The following CHST11 variants were observed in gnomAD, a reference collection of about 807,000 sequenced individuals.
CHST11 encodes carbohydrate sulfotransferase 11.
In CHST11, 9 loss-of-function variants were observed where a neutral mutation model predicts 30.4. The observed-to-expected ratio is 0.30, with a 90% CI of 0.18 to 0.52. The LOEUF (loss-of-function observed/expected upper bound fraction) is 0.52. Among genes scored for constraint, CHST11 ranks in the 20% least tolerant of loss-of-function variants. CHST11 has a pLI of 0.97. For missense variants in CHST11, 348 were observed against 460.6 expected, an observed-to-expected ratio of 0.76 and a Z score of 2.24; for synonymous variants, 152 against 187.8, an observed-to-expected ratio of 0.81 and a Z score of 1.56.
At chr12:104,707,291 G>A (rs1324410853) in intron 2 of CHST11, among the ~76,000 whole-genome samples, 8 of 152,174 alleles carry the variant, frequency 5.3e-5, no homozygotes, top group African/African-American at 1.7e-4. Flanking sequence ...CTACAGAGTC[G>A]GGGCAGGGGT....
chr12:104,648,252 C>T (rs924937590), intron 2 of CHST11, among the ~76,000 whole-genome samples: 1 of 152,160 alleles, frequency 6.6e-6, no homozygotes, highest in Admixed American at 6.5e-5. Context: ...CGTACATTCC[C>T]GAAAACCTTA....
rs2038959561 is a variant in CHST11, at chr12:104,601,812, G to A, written c.119-94G>A. On this transcript the variant is annotated intron_variant, in intron 1 of 2. Transcript: ENST00000303694. ...GAAGCTGGTTTTCTCTTTCTTTCCT[G>A]CCTGTTTCTTCTTCCCTACTCTGTG... 4 of 955,968 alleles carry A rather than the reference G, an allele frequency of 4.2e-6. No homozygotes were observed. In the South Asian group the frequency reaches 4.4e-5, roughly 11 times the overall value. 59.2% of individuals were successfully genotyped at this position (955,968 alleles called of 1,614,324 possible). A position where few individuals can be genotyped will look rare whatever the true frequency, so the allele number is the denominator to read the frequency against.
chr12:104,505,351 C>T (rs1442388621), intron 1 of CHST11, among the ~76,000 whole-genome samples: 1 of 152,132 alleles, frequency 6.6e-6, no homozygotes, highest in African/African-American at 2.4e-5. Flanking sequence ...CAGCAGAGAG[C>T]TACCCTGCAC....
chr12:104,463,634 G>A (rs1333725805), intron 1 of CHST11, among the ~76,000 whole-genome samples: 2 of 152,206 alleles, frequency 1.3e-5, no homozygotes, highest in South Asian at 2.1e-4. Flanking sequence ...GACATATATG[G>A]TATATCAGAT....
intron 2 of CHST11, among the ~76,000 whole-genome samples, chr12:104,637,312 A>C (rs865819691): frequency 2.1e-5 from 1 of 48,584 alleles, no homozygotes; most frequent in Non-Finnish European, 3.7e-5. Flanking sequence ...TAAAAAAAAA[A>C]AAAAAAAAAA....
At chr12:104,547,323 T>C (rs892827680) in intron 1 of CHST11, among the ~76,000 whole-genome samples, 2 of 152,054 alleles carry the variant, frequency 1.3e-5, no homozygotes, top group Non-Finnish European at 2.9e-5. Context: ...AGTGGGTAAT[T>C]AGAACAGGAA....
intron 1 of CHST11, among the ~76,000 whole-genome samples, chr12:104,534,224 A>G (rs2038214392): frequency 6.6e-6 from 1 of 152,226 alleles, no homozygotes; most frequent in Non-Finnish European, 1.5e-5. Context: ...TTAGTTCAGA[A>G]TATTGCTTTG....
intron 2 of CHST11, among the ~76,000 whole-genome samples, chr12:104,620,694 G>T (rs898175656): frequency 6.6e-6 from 1 of 152,090 alleles, no homozygotes; most frequent in South Asian, 2.1e-4. Context: ...TGAGCAAGTG[G>T]CAAAATGAGC....
chr12:104,703,013 C>T (rs538727732), intron 2 of CHST11, among the ~76,000 whole-genome samples: 3 of 152,332 alleles, frequency 2.0e-5, no homozygotes, highest in Admixed American at 2.0e-4. Flanking sequence ...CCCACACCCA[C>T]ACTCTCTAGG....
At chr12:104,548,968 G>A (rs1027744647) in intron 1 of CHST11, among the ~76,000 whole-genome samples, 1 of 152,164 alleles carries the variant, frequency 6.6e-6, no homozygotes, top group African/African-American at 2.4e-5. Flanking sequence ...TCATTTCTGT[G>A]GATACCACTC....
At chr12:104,652,856 G>C (rs913072066) in intron 2 of CHST11, among the ~76,000 whole-genome samples, 1 of 152,052 alleles carries the variant, frequency 6.6e-6, no homozygotes, top group Admixed American at 6.5e-5. Context: ...CCAGCGAAGA[G>C]GGAGGCTGCC....
At chr12:104,479,400 G>T (rs892995999) in intron 1 of CHST11, among the ~76,000 whole-genome samples, 1 of 152,126 alleles carries the variant, frequency 6.6e-6, no homozygotes, top group Non-Finnish European at 1.5e-5. Context: ...CTTAAGGGCA[G>T]GGATTTTTAT....
At chr12:104,715,659 C>A (rs1198896161) in intron 2 of CHST11, among the ~76,000 whole-genome samples, 4 of 152,154 alleles carry the variant, frequency 2.6e-5, no homozygotes, top group African/African-American at 9.7e-5. Context: ...GTTTGCCTGG[C>A]TGCCAAAGGA....
intron 2 of CHST11, among the ~76,000 whole-genome samples, chr12:104,620,223 C>G (rs1487927251): frequency 6.6e-6 from 1 of 152,220 alleles, no homozygotes; most frequent in African/African-American, 2.4e-5. Flanking sequence ...TTGAGTTTCT[C>G]TCATCCATAG....
chr12:104,702,512 C>T (rs1268462754), intron 2 of CHST11, among the ~76,000 whole-genome samples: 2 of 151,688 alleles, frequency 1.3e-5, no homozygotes, highest in African/African-American at 2.4e-5. Context: ...TGATTCCTCA[C>T]GGTGGTCCTG....
At chr12:104,495,517 AGTCCT>A (rs2037791071) in intron 1 of CHST11, among the ~76,000 whole-genome samples, 1 of 152,120 alleles carries the variant, frequency 6.6e-6, no homozygotes, top group Non-Finnish European at 1.5e-5. Flanking sequence ...TGATAGTCAC[AGTCCT>A]AGTAGGTGTA....
intron 2 of CHST11, among the ~76,000 whole-genome samples, chr12:104,749,815 A>G (rs958580307): frequency 1.3e-5 from 2 of 152,198 alleles, no homozygotes; most frequent in African/African-American, 4.8e-5. Context: ...CCATTTTGAC[A>G]TGGTGGCAAA....
At chr12:104,694,607 C>T (rs1458655550) in intron 2 of CHST11, among the ~76,000 whole-genome samples, 2 of 152,108 alleles carry the variant, frequency 1.3e-5, no homozygotes, top group Non-Finnish European at 2.9e-5. Context: ...GGTGACTTCA[C>T]CTGGGTCACC....
intron 2 of CHST11, among the ~76,000 whole-genome samples, chr12:104,612,053 T>C (rs1389101325): frequency 6.6e-6 from 1 of 152,196 alleles, no homozygotes; most frequent in Non-Finnish European, 1.5e-5. Flanking sequence ...CCTACCTCCT[T>C]TCCTCCTTCT....
Sources: gnomAD v4.1 joint callset for allele counts (sites outside exome capture counted in the v4.1 genomes callset) on GRCh38, gnomAD v4.1.1 for gene constraint, MANE v1.5 for transcripts, NCBI Gene and HGNC (gene_info 2026-07-23, HGNC 2026-07-21) for gene names.